TMEM144: variants seen among roughly 807,000 people sequenced by gnomAD.
The protein encoded by TMEM144 is transmembrane protein 144.
In TMEM144, 39 loss-of-function variants were observed where a neutral mutation model predicts 43.6. The ratio of observed to expected loss-of-function variants is 0.90; its 90% CI spans 0.69 to 1.17. TMEM144 has a LOEUF of 1.17. TMEM144 is among the 50% of genes most tolerant of loss of function. The pLI is 0.00. For missense variants in TMEM144, 417 were observed against 411.9 expected (o/e 1.01, Z -0.11); for synonymous variants, 154 against 133.6 (o/e 1.15, Z -1.06).
At chr4:158,232,320 T>C (rs527352616) in intron 6 of TMEM144, among the ~76,000 whole-genome samples, 1 of 152,362 alleles carries the variant, frequency 6.6e-6, no homozygotes, top group East Asian at 1.9e-4. Context: ...ATCATCATTA[T>C]TCCATTTTTA....
chr4:158,237,700 G>T, intron 9 of TMEM144, 57 bp downstream of exon 9: 2 of 1,198,148 alleles, frequency 1.7e-6, no homozygotes, highest in African/African-American at 1.5e-5. Flanking sequence ...AATATAAAAA[G>T]AATTGTGATA....
chr4:158,215,164 A>G lies in TMEM144; in HGVS notation c.110-27A>G, dbSNP rs79576648. ...AAATTTACTCAATTCAATTTGAACCACTAACACTGAGTTTGTTTATTTCTA... is the reference window on the plus strand; with the variant it reads ...AAATTTACTCAATTCAATTTGAACCGCTAACACTGAGTTTGTTTATTTCTA... On this transcript the variant is annotated intron_variant, in intron 3 of 12. Coordinates refer to ENST00000296529, the MANE Select transcript of TMEM144 (RefSeq NM_018342.5). The G allele has an allele frequency of 4.4e-3, 7,114 of 1,613,094 alleles. 200 individuals are homozygous for G. The African/African-American group carries it at 0.072, about 16-fold the overall frequency.
At position 158,210,969 on chromosome 4, in the gene TMEM144, G is replaced by A. The variant is rs534973817; in HGVS notation, c.-183+383G>A. The A allele has an allele frequency of 3.3e-4, 50 of 152,312 alleles. 1 individual carries two copies. The South Asian group carries it at 0.01, about 31-fold the overall frequency. 9.4% of individuals were successfully genotyped at this position (152,312 alleles called of 1,614,324 possible). A position where few individuals can be genotyped will look rare whatever the true frequency, so the allele number is the denominator to read the frequency against. ...ACAAAATATCAGCGAACGCTGAAAA[G>A]AAAACATTAAAATAATGTTTGAGAC... On this transcript the variant is annotated intron_variant, in intron 1 of 12. Coordinates refer to ENST00000296529, the MANE Select transcript of TMEM144 (RefSeq NM_018342.5).
intron 6 of TMEM144, among the ~76,000 whole-genome samples, chr4:158,222,302 G>A (rs1233521425): frequency 6.6e-6 from 1 of 152,176 alleles, no homozygotes; most frequent in East Asian, 1.9e-4. Flanking sequence ...GAATAAACTT[G>A]TCTCCTTAAT....
intron 6 of TMEM144, among the ~76,000 whole-genome samples, chr4:158,226,744 A>G (rs899031991): frequency 1.3e-5 from 2 of 151,998 alleles, no homozygotes; most frequent in Admixed American, 1.3e-4. Context: ...TTTCTCTTTC[A>G]CAACTTTCGC....
intron 6 of TMEM144, among the ~76,000 whole-genome samples, chr4:158,232,349 T>C (rs1377804457): frequency 2.0e-5 from 3 of 152,202 alleles, no homozygotes; most frequent in Non-Finnish European, 4.4e-5. Context: ...TAGTATTCCA[T>C]TGCATGACCA....
chr4:158,255,074 A>G lies in TMEM144; in HGVS notation c.*1547A>G, dbSNP rs1360306154. 6.8e-6 allele frequency: 1 copy of G among 147,774 alleles called. No individual in the cohort carries two copies. The highest frequency in any genetic ancestry group is 1.5e-5 in the Non-Finnish European group (1 of 66,860). 9.2% of individuals were successfully genotyped at this position (147,774 alleles called of 1,614,324 possible). On this transcript the variant is annotated 3_prime_UTR_variant, in exon 13 of 13. Coordinates refer to ENST00000296529, the MANE Select transcript of TMEM144 (RefSeq NM_018342.5). ...AAGTTTTTGTAGATTGGAGAACACCATGTAAGAGCTACTAAGCTCACCACC... is the reference window on the plus strand; with the variant it reads ...AAGTTTTTGTAGATTGGAGAACACCGTGTAAGAGCTACTAAGCTCACCACC...
At chr4:158,252,807 C>CA (rs57460951) in intron 12 of TMEM144, among the ~76,000 whole-genome samples, 2,517 of 66,924 alleles carry the variant, frequency 0.038, 40 homozygotes, top group African/African-American at 0.071. Context: ...GACTCCGTCT[C>CA]AAAAAAAAAA....
intron 12 of TMEM144, 102 bp from the exon 13 acceptor site, chr4:158,253,342 G>C (rs926653522): frequency 2.1e-6 from 2 of 961,304 alleles, no homozygotes; most frequent in Non-Finnish European, 3.1e-6. Context: ...GGTACAGGCG[G>C]CTAGAGCAGA....
At chr4:158,211,307 C>T (rs1434277521) in intron 1 of TMEM144, 146 bp from the exon 2 acceptor site, 1 of 152,110 alleles carries the variant, frequency 6.6e-6, no homozygotes, top group Non-Finnish European at 1.5e-5. Context: ...GTGGAGCCTT[C>T]TCAATAAAAT....
intron 7 of TMEM144, chr4:158,235,017 G>T: frequency 6.5e-6 from 1 of 154,084 alleles, no homozygotes; most frequent in Admixed American, 6.4e-5. Flanking sequence ...TTGAAACATG[G>T]CTTGGAATGT....
chr4:158,242,667 TA>T (rs1048588498), intron 11 of TMEM144, among the ~76,000 whole-genome samples: 19 of 150,366 alleles, frequency 1.3e-4, no homozygotes, highest in Non-Finnish European at 2.1e-4. Context: ...ATTAAAAAGC[TA>T]AAAAAAAAGA....
In TMEM144 at chr4:158,252,807, CAAAAAAAA is replaced by C. The variant is rs57460951; in HGVS notation, c.955-629_955-622del. 5.9e-5 allele frequency among the ~76,000 whole-genome samples: 4 copies of C among 67,320 alleles called. No homozygotes were observed. The South Asian group carries it at 1.7e-3, about 28-fold the overall frequency. 44.2% of individuals were successfully genotyped at this position (67,320 alleles called of 152,430 possible). A position where few individuals can be genotyped will look rare whatever the true frequency, so the allele number is the denominator to read the frequency against. On this transcript the variant is annotated intron_variant, in intron 12 of 12. Transcript: ENST00000296529. The stretch of plus-strand genomic sequence containing the variant: ...TAGGTGACGGAGGGAGACTCCGTCT[CAAAAAAAA>C]AAAAAAAGAAAAAAAGAAAAAAAAA...
intron 9 of TMEM144, 72 bp from the exon 10 acceptor site, chr4:158,240,225 GTT>G: frequency 6.6e-7 from 1 of 1,522,930 alleles, no homozygotes; most frequent in Non-Finnish European, 8.9e-7. Context: ...ATTCTGGTGA[GTT>G]TATTTTCAGA....
rs746273647 is a variant in TMEM144, at chr4:158,253,585, G to A, written c.*58G>A. ...TAAGAGAACGCGTCTATCGGACAGC[G>A]GAGAGATCATGCTGAGAAAAGAGTG... On this transcript the variant is annotated 3_prime_UTR_variant, in exon 13 of 13. Transcript: ENST00000296529. 102 of 1,392,892 alleles carry A rather than the reference G, an allele frequency of 7.3e-5. No homozygotes were observed. The highest frequency in any genetic ancestry group is 9.5e-5 in the Non-Finnish European group (94 of 985,778). The allele number at this position is 1,392,892 out of a possible 1,614,324, so 86.3% of individuals were successfully genotyped here. A position where few individuals can be genotyped will look rare whatever the true frequency, so the allele number is the denominator to read the frequency against.
chr4:158,218,704 T>C (rs1469987751), intron 5 of TMEM144, among the ~76,000 whole-genome samples: 1 of 152,120 alleles, frequency 6.6e-6, no homozygotes, highest in East Asian at 1.9e-4. Context: ...CTTCCATGAG[T>C]CAGGTGAACT....
intron 11 of TMEM144, among the ~76,000 whole-genome samples, chr4:158,243,938 AC>A (rs1735748526): frequency 1.3e-5 from 2 of 152,204 alleles, no homozygotes; most frequent in African/African-American, 4.8e-5. Context: ...AAGCTTGTGC[AC>A]ACTTTTTCTT....
At chr4:158,251,864 G>A (rs1450372538) in intron 12 of TMEM144, among the ~76,000 whole-genome samples, 1 of 152,124 alleles carries the variant, frequency 6.6e-6, no homozygotes, top group African/African-American at 2.4e-5. Context: ...TTTCTTGAGT[G>A]TGTACTTTTC....
chr4:158,241,423 G>A (rs1420056722), intron 10 of TMEM144, 86 bp from the exon 11 acceptor site: 1 of 971,594 alleles, frequency 1.0e-6, no homozygotes, highest in Admixed American at 1.9e-5. Flanking sequence ...ATTTATATGT[G>A]CACTTTGATA....
Sources: gnomAD v4.1 joint callset for allele counts (sites outside exome capture counted in the v4.1 genomes callset) on GRCh38, gnomAD v4.1.1 for gene constraint, MANE v1.5 for transcripts, NCBI Gene and HGNC (gene_info 2026-07-23, HGNC 2026-07-21) for gene names.